Variants in BTBD9 observed in about 807,000 individuals in gnomAD.
The protein encoded by BTBD9 is BTB domain containing 9.
Under a neutral mutation model 64.3 loss-of-function variants are expected in BTBD9, and 49 were observed. That is an observed-to-expected ratio of 0.76 (90% confidence interval 0.61 to 0.97). The LOEUF is 0.97. Among genes scored for constraint, BTBD9 ranks in the 50% least tolerant of loss-of-function variants. The probability of loss-of-function intolerance (pLI) is 0.00; values close to 1 mark genes in which losing one functional copy is unlikely to be tolerated. For missense variants in BTBD9, 598 were observed against 762.1 expected (o/e 0.78, Z 2.53); for synonymous variants, 260 against 274.7 (o/e 0.95, Z 0.53).
chr6:38,301,827 T>C (rs1334622008), intron 7 of BTBD9, among the ~76,000 whole-genome samples: 2 of 152,196 alleles, frequency 1.3e-5, no homozygotes, highest in Non-Finnish European at 2.9e-5. Context: ...GATTCATTTA[T>C]TTTTTGAAGG....
At chr6:38,469,682 A>G (rs1419044427) in intron 6 of BTBD9, among the ~76,000 whole-genome samples, 1 of 152,114 alleles carries the variant, frequency 6.6e-6, no homozygotes, top group Non-Finnish European at 1.5e-5. Context: ...CATTTAAGAG[A>G]CTTTGTTAGA....
chr6:38,442,661 C>CTTTTTTTTTTTTT (rs11313452), intron 6 of BTBD9, among the ~76,000 whole-genome samples: 2 of 57,566 alleles, frequency 3.5e-5, no homozygotes, highest in Non-Finnish European at 3.0e-5. Context: ...CATTTGTACT[C>CTTTTTTTTTTTTT]TTTTTTTTTT....
At chr6:38,608,566 C>A (rs768877250) in intron 1 of BTBD9, among the ~76,000 whole-genome samples, 2 of 152,166 alleles carry the variant, frequency 1.3e-5, no homozygotes, top group Non-Finnish European at 2.9e-5. Context: ...AATTTAATTT[C>A]TTTGTAGCAA....
At chr6:38,477,808 TACTC>T (rs1402233327) in intron 6 of BTBD9, among the ~76,000 whole-genome samples, 2 of 152,182 alleles carry the variant, frequency 1.3e-5, no homozygotes, top group African/African-American at 2.4e-5. Context: ...ATTTAAGAAT[TACTC>T]ACTTAACTCA....
chr6:38,622,297 T>C (rs949137296), intron 1 of BTBD9, among the ~76,000 whole-genome samples: 1 of 152,216 alleles, frequency 6.6e-6, no homozygotes, highest in Non-Finnish European at 1.5e-5. Flanking sequence ...TTCAATACTA[T>C]GTTAGTCCCT....
At chr6:38,474,885 A>T (rs1282110991) in intron 6 of BTBD9, among the ~76,000 whole-genome samples, 2 of 152,226 alleles carry the variant, frequency 1.3e-5, no homozygotes, top group African/African-American at 4.8e-5. Flanking sequence ...AAAGTAAAGT[A>T]TACTTTTAAA....
At chr6:38,530,000 C>A (rs1242945713) in intron 6 of BTBD9, among the ~76,000 whole-genome samples, 1 of 152,146 alleles carries the variant, frequency 6.6e-6, no homozygotes, top group Non-Finnish European at 1.5e-5. Flanking sequence ...TTACTAAATT[C>A]TTTTCCTAGC....
At chr6:38,532,053 G>GT (rs1405775259) in intron 6 of BTBD9, among the ~76,000 whole-genome samples, 1 of 152,218 alleles carries the variant, frequency 6.6e-6, no homozygotes, top group Non-Finnish European at 1.5e-5. Context: ...GAGGATAGGT[G>GT]TTGAATTGCC....
At chr6:38,559,706 C>G (rs1270037419) in intron 6 of BTBD9, among the ~76,000 whole-genome samples, 9 of 152,110 alleles carry the variant, frequency 5.9e-5, no homozygotes, top group African/African-American at 1.7e-4. Context: ...ATGAAAACAG[C>G]ACGGTACTAG....
intron 6 of BTBD9, among the ~76,000 whole-genome samples, chr6:38,356,994 A>G (rs2127595877): frequency 1.3e-5 from 2 of 152,282 alleles, no homozygotes; most frequent in Middle Eastern, 6.8e-3. Flanking sequence ...TAGGGTCTCA[A>G]CAAATGACCA....
chr6:38,594,444 C>A, intron 2 of BTBD9, 117 bp from the exon 3 acceptor site: 1 of 1,279,460 alleles, frequency 7.8e-7, no homozygotes, highest in Admixed American at 3.1e-5. Flanking sequence ...ACACAAAGAT[C>A]CAAGTGAAAA....
At chr6:38,219,955 A>C (rs967896956) in intron 9 of BTBD9, among the ~76,000 whole-genome samples, 1 of 152,226 alleles carries the variant, frequency 6.6e-6, no homozygotes, top group African/African-American at 2.4e-5. Flanking sequence ...TAATATGGTA[A>C]TATGGTATAT....
intron 6 of BTBD9, among the ~76,000 whole-genome samples, chr6:38,510,491 C>T (rs7740763): frequency 0.48 from 73,044 of 152,006 alleles, 20,374 homozygotes; most frequent in Non-Finnish European, 0.62. Context: ...ATACTGTGCA[C>T]TTAGGCTACA....
chr6:38,411,107 C>T (rs1044300478), intron 6 of BTBD9, among the ~76,000 whole-genome samples: 12 of 152,042 alleles, frequency 7.9e-5, no homozygotes, highest in South Asian at 4.1e-4. Context: ...ACTTGCACGC[C>T]GTGTTCTTGG....
At chr6:38,607,679 A>C (rs1449952046) in intron 1 of BTBD9, among the ~76,000 whole-genome samples, 3 of 151,892 alleles carry the variant, frequency 2.0e-5, no homozygotes, top group South Asian at 2.1e-4. Context: ...CTCCAGGCTC[A>C]CTTTGTATAA....
chr6:38,348,870 CTCCA>C (rs1764389549), intron 6 of BTBD9, among the ~76,000 whole-genome samples: 1 of 152,142 alleles, frequency 6.6e-6, no homozygotes, highest in Non-Finnish European at 1.5e-5. Flanking sequence ...TGTTGCCCAG[CTCCA>C]TCAATTAAGT....
chr6:38,239,459 A>AAT lies in BTBD9; in HGVS notation c.1562+16949_1562+16950insAT, dbSNP rs1554131097. 1.2e-3 allele frequency among the ~76,000 whole-genome samples: 183 copies of AAT among 148,818 alleles called. 1 individual carries two copies. The highest frequency in any genetic ancestry group is 3.5e-3 in the Middle Eastern group (1 of 288). ...GTCTCAAAAAAAAAAAAAAAAAAAA[A>AAT]AGATATAATCTCTTATAGGAAATTT... On this transcript the variant is annotated intron_variant, in intron 9 of 10. Transcript: ENST00000481247.
chr6:38,190,707 A>G (rs1259761245), intron 10 of BTBD9, among the ~76,000 whole-genome samples: 1 of 152,170 alleles, frequency 6.6e-6, no homozygotes, highest in Non-Finnish European at 1.5e-5. Flanking sequence ...TCATCATCAA[A>G]GAGAGGTCTC....
intron 9 of BTBD9, among the ~76,000 whole-genome samples, chr6:38,205,498 G>A (rs1274818372): frequency 6.6e-6 from 1 of 151,842 alleles, no homozygotes; most frequent in African/African-American, 2.4e-5. Flanking sequence ...TGTCATTCAG[G>A]CATAAAAAAA....
Sources: gnomAD v4.1 joint callset for allele counts (sites outside exome capture counted in the v4.1 genomes callset) on GRCh38, gnomAD v4.1.1 for gene constraint, MANE v1.5 for transcripts, NCBI Gene and HGNC (gene_info 2026-07-23, HGNC 2026-07-21) for gene names.